SOX5: variants seen among roughly 807,000 people sequenced by gnomAD.
The protein encoded by SOX5 is transcription factor SOX-5.
In SOX5, 9 loss-of-function variants were observed where a neutral mutation model predicts 92.0. The ratio of observed to expected loss-of-function variants is 0.10; its 90% CI spans 0.06 to 0.17. The LOEUF (loss-of-function observed/expected upper bound fraction) is 0.17. SOX5 is among the 10% of genes least tolerant of loss of function. The pLI is 1.00. For missense variants in SOX5, 642 were observed against 944.5 expected, an observed-to-expected ratio of 0.68 and a Z score of 4.20; for synonymous variants, 344 against 336.3, an observed-to-expected ratio of 1.02 and a Z score of -0.25.
chr12:23,575,158 T>C (rs897061125), intron 10 of SOX5, among the ~76,000 whole-genome samples: 3 of 152,242 alleles, frequency 2.0e-5, no homozygotes, highest in South Asian at 2.1e-4. Flanking sequence ...TTTACAATTA[T>C]ATAGAATTGA....
At chr12:24,298,237 T>C (rs574314130) in intron 2 of SOX5, among the ~76,000 whole-genome samples, 105 of 152,246 alleles carry the variant, frequency 6.9e-4, no homozygotes, top group Non-Finnish European at 9.9e-4. Context: ...GTCCAGCTAA[T>C]TTTTGTGTTT....
At chr12:24,206,806 T>G (rs779670688) in intron 4 of SOX5, among the ~76,000 whole-genome samples, 2 of 152,232 alleles carry the variant, frequency 1.3e-5, no homozygotes, top group Non-Finnish European at 2.9e-5. Context: ...CACTGATGAC[T>G]TCCCTGTGGC....
Position 23,972,683 on chromosome 12 carries a change from A to T in SOX5, c.-1-76659T>A, listed in dbSNP as rs577938731. On this transcript the variant is annotated intron_variant, in intron 4 of 4. Coordinates refer to the SOX5 transcript ENST00000446891. ...CCTTTTTATGTTTTTTATTTAAATAATTTTTTATTTTTTAATTGACAATGT... is the reference window on the plus strand; with the variant it reads ...CCTTTTTATGTTTTTTATTTAAATATTTTTTTATTTTTTAATTGACAATGT... 1.5e-4 allele frequency among the ~76,000 whole-genome samples: 23 copies of T among 152,046 alleles called. No individual in the cohort carries two copies. In the East Asian group the frequency reaches 2.9e-3, roughly 19 times the overall value.
At chr12:23,944,922 C>T (rs1277325769) in intron 1 of SOX5, among the ~76,000 whole-genome samples, 9 of 152,040 alleles carry the variant, frequency 5.9e-5, no homozygotes, top group Admixed American at 5.9e-4. Flanking sequence ...TAGTTTCTTT[C>T]CCAGGCTGTT....
intron 2 of SOX5, among the ~76,000 whole-genome samples, chr12:24,315,272 A>G (rs917379907): frequency 3.9e-5 from 6 of 152,218 alleles, no homozygotes; most frequent in Admixed American, 6.5e-5. Flanking sequence ...AAAATAGCTG[A>G]ATTTGGGTAA....
chr12:23,632,360 C>A (rs1027505466), intron 8 of SOX5, among the ~76,000 whole-genome samples: 2 of 152,032 alleles, frequency 1.3e-5, no homozygotes, highest in Non-Finnish European at 2.9e-5. Context: ...AATGATACGA[C>A]CTAAAAGTTT....
intron 2 of SOX5, among the ~76,000 whole-genome samples, chr12:24,341,762 C>A (rs890635859): frequency 6.6e-6 from 1 of 152,118 alleles, no homozygotes; most frequent in Non-Finnish European, 1.5e-5. Context: ...TCAGGAAGCA[C>A]CTTCAACAAT....
At chr12:24,067,820 T>C (rs966059117) in intron 4 of SOX5, among the ~76,000 whole-genome samples, 1 of 151,964 alleles carries the variant, frequency 6.6e-6, no homozygotes, top group Non-Finnish European at 1.5e-5. Context: ...AGAGTAAAAA[T>C]AAATAAGCAA....
At chr12:23,694,076 A>C (rs2089384325) in intron 6 of SOX5, among the ~76,000 whole-genome samples, 1 of 152,066 alleles carries the variant, frequency 6.6e-6, no homozygotes, top group Non-Finnish European at 1.5e-5. Context: ...ACTTTTTCTT[A>C]TTTTACAGAC....
In SOX5 at chr12:24,506,830, G is replaced by T. The variant is rs182298421; in HGVS notation, c.-251+55499C>A. On this transcript the variant is annotated intron_variant, in intron 1 of 4. Transcript: ENST00000446891. ...TTGGAGACGGGAGTCTCGCTCTGTC[G>T]CCCAGGCTGGAGTGCAGTGGCGCGA... is the stretch of plus-strand genomic sequence containing the variant. Among the ~76,000 whole-genome samples the T allele has an allele frequency of 5.7e-4, 64 of 112,670 alleles. No individual in the cohort carries two copies. In the East Asian group the frequency reaches 0.014, roughly 24 times the overall value. 73.9% of individuals were successfully genotyped at this position (112,670 alleles called of 152,430 possible).
At chr12:24,188,745 G>C (rs1956246513) in intron 4 of SOX5, among the ~76,000 whole-genome samples, 1 of 152,160 alleles carries the variant, frequency 6.6e-6, no homozygotes, top group African/African-American at 2.4e-5. Context: ...CCATTTCTGA[G>C]CAGGGAGGTA....
At chr12:24,401,708 TAAAAA>T (rs71063321) in intron 1 of SOX5, among the ~76,000 whole-genome samples, 3,089 of 99,348 alleles carry the variant, frequency 0.031, 77 homozygotes, top group Non-Finnish European at 0.043. Flanking sequence ...ACCCTATCTT[TAAAAA>T]AAAAAAAAAA....
chr12:24,504,434 C>T (rs1024865784), intron 1 of SOX5, among the ~76,000 whole-genome samples: 17 of 152,072 alleles, frequency 1.1e-4, no homozygotes, highest in African/African-American at 2.4e-4. Flanking sequence ...CCTAATTCAC[C>T]GATAAATTTT....
chr12:23,843,651 C>T (rs1489329746), intron 3 of SOX5, among the ~76,000 whole-genome samples: 1 of 149,440 alleles, frequency 6.7e-6, no homozygotes, highest in Non-Finnish European at 1.5e-5. Context: ...GCAACCTCCC[C>T]CTCCCAGATT....
chr12:24,284,042 A>G (rs1016755669), intron 2 of SOX5, among the ~76,000 whole-genome samples: 4 of 152,232 alleles, frequency 2.6e-5, no homozygotes, highest in African/African-American at 9.6e-5. Flanking sequence ...GCAATGTCCA[A>G]AGGCTCACCA....
intron 4 of SOX5, among the ~76,000 whole-genome samples, chr12:24,171,186 TCTTTTATTTCATTGGCCAACAG>T (rs1954068605): frequency 6.7e-6 from 1 of 148,180 alleles, no homozygotes; most frequent in Non-Finnish European, 1.5e-5. Context: ...TTTAGTTTTT[TCTTTTATTTCATTGGCCAACAG>T]TTTTTTTTGT....
intron 6 of SOX5, among the ~76,000 whole-genome samples, chr12:23,720,843 T>G (rs2092774166): frequency 6.6e-6 from 1 of 152,130 alleles, no homozygotes; most frequent in Admixed American, 6.5e-5. Context: ...AAAGTCAACA[T>G]GATGGGCTCG....
intron 1 of SOX5, among the ~76,000 whole-genome samples, chr12:23,923,293 A>G (rs200185674): frequency 2.0e-5 from 3 of 149,138 alleles, no homozygotes; most frequent in Admixed American, 6.7e-5. Flanking sequence ...ACCCAAAAAT[A>G]AATGAATGAA....
chr12:24,416,372 A>G (rs1965028495), intron 1 of SOX5, among the ~76,000 whole-genome samples: 1 of 152,192 alleles, frequency 6.6e-6, no homozygotes, highest in Non-Finnish European at 1.5e-5. Flanking sequence ...TCCTCAGGCA[A>G]TGGAGGGAGA....
Sources: gnomAD v4.1 joint callset for allele counts (sites outside exome capture counted in the v4.1 genomes callset) on GRCh38, gnomAD v4.1.1 for gene constraint, MANE v1.5 for transcripts, NCBI Gene and HGNC (gene_info 2026-07-23, HGNC 2026-07-21) for gene names.